Variants in PTPRN2 observed in about 807,000 individuals in gnomAD.
The protein encoded by PTPRN2 is receptor-type tyrosine-protein phosphatase N2.
Under a neutral mutation model 118.8 loss-of-function variants are expected in PTPRN2, and 74 were observed. The ratio of observed to expected loss-of-function variants is 0.62; its 90% CI spans 0.52 to 0.76. The LOEUF (loss-of-function observed/expected upper bound fraction) is 0.76, where lower values mean the gene tolerates loss of function less well. Ranked by LOEUF, PTPRN2 falls within the 30% of genes least tolerant of loss-of-function variation. The pLI is 0.00. For missense variants in PTPRN2, 1,481 were observed against 1,394.4 expected (o/e 1.06, Z -0.99); for synonymous variants, 641 against 608.0 (o/e 1.05, Z -0.80).
intron 1 of PTPRN2, among the ~76,000 whole-genome samples, chr7:158,564,268 A>G (rs1036872226): frequency 1.3e-5 from 2 of 152,198 alleles, no homozygotes; most frequent in South Asian, 2.1e-4. Flanking sequence ...GACAAAAAAA[A>G]AGGCAGCAAT....
At chr7:157,646,482 G>C (rs938878940) in intron 14 of PTPRN2, among the ~76,000 whole-genome samples, 3 of 152,140 alleles carry the variant, frequency 2.0e-5, no homozygotes, top group Non-Finnish European at 2.9e-5. Flanking sequence ...ACAGAACCCT[G>C]AGCCAATTCA....
Position 157,984,668 on chromosome 7 carries a change from C to T in PTPRN2, c.1724-85931G>A, listed in dbSNP as rs534724678. Among the ~76,000 whole-genome samples, 25 of 152,236 alleles carry T rather than the reference C, an allele frequency of 1.6e-4. No individual in the cohort carries two copies. In the South Asian group the frequency reaches 5.0e-3, roughly 30 times the overall value. On this transcript the variant is annotated intron_variant, in intron 11 of 22. Coordinates refer to ENST00000389418, the MANE Select transcript of PTPRN2 (RefSeq NM_002847.5). ...CTGCTCTCTGACACCGGGCTGTGCT[C>T]AGCAGCCACGAGCTGACCACGCGGT...
intron 2 of PTPRN2, among the ~76,000 whole-genome samples, chr7:158,437,980 G>T (rs888102756): frequency 6.6e-6 from 1 of 152,202 alleles, no homozygotes; most frequent in African/African-American, 2.4e-5. Context: ...CACAGCCCTT[G>T]CCTGGTTTCT....
chr7:158,356,679 A>C (rs1293231585), intron 2 of PTPRN2, among the ~76,000 whole-genome samples: 1 of 152,176 alleles, frequency 6.6e-6, no homozygotes. Context: ...CGTAAAGAAA[A>C]TACAAAGATC....
chr7:158,120,267 G>C (rs961179347), intron 9 of PTPRN2, among the ~76,000 whole-genome samples: 7 of 152,178 alleles, frequency 4.6e-5, no homozygotes, highest in Admixed American at 1.3e-4. Context: ...GGACAGCGGT[G>C]ATGGTTGCAC....
In PTPRN2 at chr7:158,410,365, G is replaced by A. The variant is rs541819824; in HGVS notation, c.163+79370C>T. Among the ~76,000 whole-genome samples, 5 of 152,280 alleles carry A rather than the reference G, an allele frequency of 3.3e-5. No homozygotes were observed. In the East Asian group the frequency reaches 9.7e-4, roughly 29 times the overall value. ...AGGTCACGATGCCAGAGTCACCCTC[G>A]TCTCATCCCCGAGTACCCAGGTGAC... On this transcript the variant is annotated intron_variant, in intron 2 of 22. Transcript: ENST00000389418.
chr7:158,333,829 C>A (rs1289860444), intron 2 of PTPRN2, among the ~76,000 whole-genome samples: 19 of 143,696 alleles, frequency 1.3e-4, no homozygotes, highest in African/African-American at 4.6e-4. Flanking sequence ...CACTCACACC[C>A]ACACTCTCAC....
intron 1 of PTPRN2, among the ~76,000 whole-genome samples, chr7:158,520,270 C>T (rs1325513910): frequency 1.3e-5 from 2 of 152,210 alleles, no homozygotes; most frequent in South Asian, 2.1e-4. Flanking sequence ...GGTCTCACAC[C>T]GTCCCTTCTA....
In PTPRN2 at chr7:158,022,420, G is replaced by A. The variant is rs767469029; in HGVS notation, c.1723+58878C>T. 5.2e-4 allele frequency among the ~76,000 whole-genome samples: 79 copies of A among 152,166 alleles called. No homozygotes were observed. Among genetic ancestry groups the A allele is most frequent in the Non-Finnish European group, 5.9e-4 (40 of 68,040 alleles). On this transcript the variant is annotated intron_variant, in intron 11 of 22. Transcript: ENST00000389418. This position sits in a 1 kb window ranked among gnomAD's most constrained non-coding sequence, Gnocchi z 4.6. ...CGGTGATTACTGAGGGAAGACCAGC[G>A]CAGCCCATGATGTGTTCACAGCCAA... is the stretch of plus-strand genomic sequence containing the variant.
chr7:157,832,568 T>C (rs1807636333), intron 12 of PTPRN2, among the ~76,000 whole-genome samples: 1 of 152,106 alleles, frequency 6.6e-6, no homozygotes, highest in Admixed American at 6.5e-5. Flanking sequence ...CTTACTGCAC[T>C]TGCTTCTAGA....
rs1369257495 is a variant in PTPRN2 at position 157,674,852 on chromosome 7, G to A, written c.2001+7873C>T. Among the ~76,000 whole-genome samples the A allele has an allele frequency of 6.6e-6, 1 of 152,202 alleles. No individual in the cohort carries two copies. The highest frequency in any genetic ancestry group is 2.4e-5 in the African/African-American group (1 of 41,462). On this transcript the variant is annotated intron_variant, in intron 13 of 22. Transcript: ENST00000389418. The surrounding 1 kb of genome is among the most constrained non-coding windows in gnomAD (Gnocchi z 4.5). ...CGAGCTCCTCCTGCCGGGGGGGTCT[G>A]CACAGTTCTGGGTGGGGGAGGCTCC...
At chr7:158,314,847 T>C (rs887294008) in intron 3 of PTPRN2, among the ~76,000 whole-genome samples, 1 of 149,366 alleles carries the variant, frequency 6.7e-6, no homozygotes, top group Non-Finnish European at 1.5e-5. Flanking sequence ...AGGACAGAGG[T>C]GAACCCGGAA....
At chr7:157,719,045 G>T (rs775527062) in intron 12 of PTPRN2, among the ~76,000 whole-genome samples, 2 of 152,130 alleles carry the variant, frequency 1.3e-5, no homozygotes, top group Non-Finnish European at 1.5e-5. Context: ...CCAGGAGGGG[G>T]TCTCCCCAGG....
intron 1 of PTPRN2, among the ~76,000 whole-genome samples, chr7:158,561,919 G>A (rs1379005990): frequency 3.3e-5 from 5 of 152,208 alleles, no homozygotes; most frequent in African/African-American, 7.2e-5. Context: ...CCCAGCAAGC[G>A]TGGTCCCCAA....
chr7:158,250,339 T>C (rs912469350), intron 3 of PTPRN2, among the ~76,000 whole-genome samples: 5 of 152,176 alleles, frequency 3.3e-5, no homozygotes, highest in Non-Finnish European at 7.3e-5. Flanking sequence ...TTCTAATGCA[T>C]ATAGGTTATT....
At chr7:157,897,440 AAGCTC>A (rs982494556) in intron 12 of PTPRN2, among the ~76,000 whole-genome samples, 14 of 152,210 alleles carry the variant, frequency 9.2e-5, no homozygotes, top group African/African-American at 2.9e-4. Flanking sequence ...AAGAGACAGC[AAGCTC>A]CCGGGAAAGA....
intron 12 of PTPRN2, among the ~76,000 whole-genome samples, chr7:157,718,119 T>C (rs1182763723): frequency 6.6e-6 from 1 of 152,210 alleles, no homozygotes; most frequent in Non-Finnish European, 1.5e-5. Context: ...TAAACCATTA[T>C]ATAGAGGAGG....
intron 12 of PTPRN2, among the ~76,000 whole-genome samples, chr7:157,737,279 G>A (rs1441960154): frequency 6.6e-6 from 1 of 152,248 alleles, no homozygotes; most frequent in African/African-American, 2.4e-5. Context: ...GCTCGCCCCA[G>A]ACTGGGGCCT....
chr7:157,922,741 A>C (rs1385583122), intron 11 of PTPRN2, among the ~76,000 whole-genome samples: 2 of 152,332 alleles, frequency 1.3e-5, no homozygotes, highest in Admixed American at 1.3e-4. Context: ...GCTCGATGTC[A>C]CGGCACGCTG....
Sources: allele counts gnomAD v4.1 joint callset (sites outside exome capture counted in the v4.1 genomes callset), GRCh38; gene constraint gnomAD v4.1.1; non-coding constraint Gnocchi (gnomAD v3.1); transcripts MANE v1.5; gene names NCBI Gene and HGNC (gene_info 2026-07-23, HGNC 2026-07-21).